The following FGD4 variants were observed in gnomAD, a reference collection of about 807,000 sequenced individuals.
FGD4 encodes FYVE, RhoGEF and PH domain-containing protein 4.
FGD4 carries 42 observed loss-of-function variants against 102.0 expected under a neutral mutation model. The observed-to-expected ratio is 0.41, with a 90% CI of 0.32 to 0.53. The LOEUF is 0.53. Ranked by LOEUF, FGD4 falls within the 20% of genes least tolerant of loss-of-function variation. The pLI, the probability that FGD4 is intolerant of heterozygous loss-of-function variation, is 0.21. For missense variants in FGD4, 902 were observed against 1,078.2 expected (o/e 0.84, Z 2.29); for synonymous variants, 380 against 375.7 (o/e 1.01, Z -0.13).
intron 1 of FGD4, among the ~76,000 whole-genome samples, chr12:32,541,440 C>T (rs1202998489): frequency 6.6e-6 from 1 of 152,184 alleles, no homozygotes; most frequent in Non-Finnish European, 1.5e-5. Flanking sequence ...AGTCTCGGCT[C>T]ACTGCAACCT....
At chr12:32,423,363 G>A (rs191897429) in intron 1 of FGD4, among the ~76,000 whole-genome samples, 201 of 151,822 alleles carry the variant, frequency 1.3e-3, no homozygotes, top group African/African-American at 4.8e-3. Context: ...AGGCCGAGGC[G>A]GGCAGATCAC....
Position 32,581,952 on chromosome 12 carries a change from T to C in FGD4, c.504-8T>C, listed in dbSNP as rs755876207. 1 of 1,613,924 alleles carries C rather than the reference T, an allele frequency of 6.2e-7. No homozygotes were observed. Among genetic ancestry groups the C allele is most frequent in the Admixed American group, 1.7e-5 (1 of 59,998 alleles). ...GTTTTCATGCTTCCTTTGTATTTTATCTTTTAGCTCATTATCAAATTATAG... is the reference window on the plus strand; with the variant it reads ...GTTTTCATGCTTCCTTTGTATTTTACCTTTTAGCTCATTATCAAATTATAG... On this transcript the variant is annotated splice_polypyrimidine_tract_variant and splice_region_variant and intron_variant, in intron 3 of 16. Coordinates refer to ENST00000534526, the MANE Select transcript of FGD4 (RefSeq NM_001370298.3).
chr12:32,572,738 T>G (rs1012749147), intron 2 of FGD4, among the ~76,000 whole-genome samples: 13 of 152,240 alleles, frequency 8.5e-5, no homozygotes, highest in Admixed American at 6.5e-4. Context: ...TCTTTTTAGT[T>G]TTATAATATA....
rs535981325 is a variant in FGD4 at position 32,636,263 on chromosome 12, C to T, written c.2314-2392C>T. ...TTTAAAAATTGTCTGTGGCCAGGTG[C>T]GGTGTGGCTCACGCCTATAATCCTA... On this transcript the variant is annotated intron_variant, in intron 15 of 16. Transcript: ENST00000534526. Among the ~76,000 whole-genome samples the T allele has an allele frequency of 2.6e-5, 4 of 152,186 alleles. No homozygotes were observed. In the East Asian group the frequency reaches 7.7e-4, roughly 29 times the overall value.
At chr12:32,581,122 T>C (rs989304704) in intron 3 of FGD4, among the ~76,000 whole-genome samples, 1 of 152,078 alleles carries the variant, frequency 6.6e-6, no homozygotes, top group African/African-American at 2.4e-5. Flanking sequence ...TAAGAAGAAA[T>C]ACCAGTGTTT....
At chr12:32,534,827 C>T (rs1242990726) in intron 1 of FGD4, among the ~76,000 whole-genome samples, 1 of 152,110 alleles carries the variant, frequency 6.6e-6, no homozygotes, top group African/African-American at 2.4e-5. Flanking sequence ...TCTCTTTTTC[C>T]TCCCATTTCT....
intron 1 of FGD4, among the ~76,000 whole-genome samples, chr12:32,464,212 G>A (rs1337536219): frequency 6.6e-6 from 1 of 152,140 alleles, no homozygotes; most frequent in East Asian, 1.9e-4. Context: ...GTGTGCACTG[G>A]TGCAATCTCA....
intron 1 of FGD4, among the ~76,000 whole-genome samples, chr12:32,561,075 G>GTTTTTTTTTTTTTTT (rs1218919677): frequency 4.7e-5 from 4 of 85,148 alleles, no homozygotes; most frequent in Non-Finnish European, 6.6e-5. Flanking sequence ...GTTGGGTTTT[G>GTTTTTTTTTTTTTTT]TTTTTTTTTT....
chr12:32,524,919 A>G (rs937343977), intron 1 of FGD4, among the ~76,000 whole-genome samples: 1 of 152,218 alleles, frequency 6.6e-6, no homozygotes, highest in African/African-American at 2.4e-5. Context: ...GGAAAATACA[A>G]AATTTAAACA....
intron 1 of FGD4, among the ~76,000 whole-genome samples, chr12:32,494,519 G>A (rs771580030): frequency 2.0e-5 from 3 of 152,222 alleles, no homozygotes; most frequent in Non-Finnish European, 4.4e-5. Context: ...TATTTTAAAA[G>A]TGAATTGCTG....
chr12:32,553,093 C>T (rs931533997), intron 1 of FGD4, among the ~76,000 whole-genome samples: 5 of 151,948 alleles, frequency 3.3e-5, no homozygotes, highest in East Asian at 1.9e-4. Flanking sequence ...TGCACCTGGC[C>T]GGAGTATGCA....
At chr12:32,526,228 C>T (rs534328846) in intron 1 of FGD4, among the ~76,000 whole-genome samples, 92 of 151,930 alleles carry the variant, frequency 6.1e-4, no homozygotes, top group Middle Eastern at 3.4e-3. Flanking sequence ...GGTTTGTGAG[C>T]GCACCAGTCG....
intron 1 of FGD4, among the ~76,000 whole-genome samples, chr12:32,516,516 GACAGCATCTTGATTAATAGAAATA>G (rs1287392706): frequency 6.6e-6 from 1 of 152,124 alleles, no homozygotes; most frequent in Non-Finnish European, 1.5e-5. Flanking sequence ...TGGACTTTTA[GACAGCATCTTGATTAATAGAAATA>G]ATGGTAATGG....
intron 4 of FGD4, among the ~76,000 whole-genome samples, chr12:32,594,454 G>A (rs1947713778): frequency 6.6e-6 from 1 of 152,090 alleles, no homozygotes; most frequent in African/African-American, 2.4e-5. Flanking sequence ...TCAACATTAT[G>A]GTGAGTTGTA....
intron 4 of FGD4, among the ~76,000 whole-genome samples, chr12:32,583,905 C>A (rs1387152008): frequency 1.3e-5 from 2 of 152,162 alleles, no homozygotes; most frequent in African/African-American, 4.8e-5. Flanking sequence ...AATCTTTTGC[C>A]ACTGTTGGGA....
intron 1 of FGD4, among the ~76,000 whole-genome samples, chr12:32,532,132 T>G (rs1039992116): frequency 6.6e-6 from 1 of 152,142 alleles, no homozygotes; most frequent in African/African-American, 2.4e-5. Flanking sequence ...TTTACATCCA[T>G]AGCTATGATA....
At chr12:32,526,036 C>T (rs1043517464) in intron 1 of FGD4, among the ~76,000 whole-genome samples, 5 of 152,260 alleles carry the variant, frequency 3.3e-5, no homozygotes, top group African/African-American at 9.6e-5. Flanking sequence ...CCATCGACCA[C>T]GCAAGGGCTG....
chr12:32,622,634 C>T (rs1949912802), intron 11 of FGD4, among the ~76,000 whole-genome samples: 1 of 152,058 alleles, frequency 6.6e-6, no homozygotes. Flanking sequence ...CTCTTGTTAC[C>T]CAGGCTGGAG....
chr12:32,504,164 T>TA (rs1403736988), intron 1 of FGD4, among the ~76,000 whole-genome samples: 1 of 152,194 alleles, frequency 6.6e-6, no homozygotes, highest in Non-Finnish European at 1.5e-5. Context: ...TCCAGAGTAA[T>TA]AAGTAATAAA....
Sources: allele counts gnomAD v4.1 joint callset (sites outside exome capture counted in the v4.1 genomes callset), GRCh38; gene constraint gnomAD v4.1.1; transcripts MANE v1.5; gene names NCBI Gene and HGNC (gene_info 2026-07-23, HGNC 2026-07-21).